PLCB1: variants seen among roughly 807,000 people sequenced by gnomAD.
PLCB1 encodes phospholipase C beta 1.
PLCB1 carries 46 observed loss-of-function variants against 161.8 expected under a neutral mutation model. The observed-to-expected ratio is 0.28, with a 90% confidence interval of 0.22 to 0.36. PLCB1 has a LOEUF of 0.36. PLCB1 is among the 10% of genes least tolerant of loss of function. The probability of loss-of-function intolerance (pLI) is 1.00; values close to 1 mark genes in which losing one functional copy is unlikely to be tolerated. For synonymous variants in PLCB1, 517 were observed against 503.7 expected (o/e 1.03, Z -0.35); for missense variants, 1,016 against 1,472.5 (o/e 0.69, Z 5.07).
intron 3 of PLCB1, among the ~76,000 whole-genome samples, chr20:8,447,325 G>A (rs1980878092): frequency 6.6e-6 from 1 of 152,130 alleles, no homozygotes; most frequent in Non-Finnish European, 1.5e-5. Context: ...GTGAAATTTG[G>A]ACAAGCAGCA....
chr20:8,632,299 C>T (rs1440968158), intron 4 of PLCB1, among the ~76,000 whole-genome samples: 1 of 151,696 alleles, frequency 6.6e-6, no homozygotes, highest in Non-Finnish European at 1.5e-5. Flanking sequence ...CCTTCAAGCC[C>T]GTTGACAGTT....
intron 2 of PLCB1, among the ~76,000 whole-genome samples, chr20:8,251,276 G>T (rs1434915610): frequency 6.6e-6 from 1 of 151,914 alleles, no homozygotes; most frequent in Non-Finnish European, 1.5e-5. Context: ...TTCAACATAG[G>T]AATTTGGGGG....
Position 8,507,823 on chromosome 20 carries a change from A to G in PLCB1, c.247-120471A>G, listed in dbSNP as rs1031003751. ...AATATTTTAACAAGATAAATATAAT[A>G]CAAAAAATGGAATAAGAAAAATACA... On this transcript the variant is annotated intron_variant, in intron 3 of 31. Coordinates refer to ENST00000338037, the MANE Select transcript of PLCB1 (RefSeq NM_015192.4). Among the ~76,000 whole-genome samples, 3 of 152,222 alleles carry G rather than the reference A, an allele frequency of 2.0e-5. No homozygotes were observed. In the East Asian group the frequency reaches 5.8e-4, roughly 29 times the overall value.
chr20:8,191,259 C>A (rs1254362364), intron 2 of PLCB1, among the ~76,000 whole-genome samples: 1 of 151,962 alleles, frequency 6.6e-6, no homozygotes, highest in Non-Finnish European at 1.5e-5. Flanking sequence ...TATTCATCCT[C>A]TGAAGCATTT....
intron 4 of PLCB1, among the ~76,000 whole-genome samples, chr20:8,641,896 A>AT (rs1988968398): frequency 2.0e-5 from 3 of 152,074 alleles, no homozygotes; most frequent in Admixed American, 6.6e-5. Flanking sequence ...TTATAAATGC[A>AT]TTTTTTGGCT....
intron 3 of PLCB1, among the ~76,000 whole-genome samples, chr20:8,600,523 T>G (rs1436456183): frequency 1.3e-5 from 2 of 151,084 alleles, no homozygotes; most frequent in South Asian, 2.1e-4. Flanking sequence ...CAGGGACATT[T>G]AAGTCTGCAG....
intron 6 of PLCB1, 53 bp downstream of exon 6, chr20:8,648,006 A>G: frequency 7.8e-7 from 1 of 1,276,280 alleles, no homozygotes; most frequent in Non-Finnish European, 1.1e-6. Flanking sequence ...CAAAGATCTG[A>G]ATCCATGCCA....
intron 9 of PLCB1, among the ~76,000 whole-genome samples, chr20:8,681,068 G>A (rs1990196507): frequency 1.1e-5 from 1 of 95,160 alleles, no homozygotes; most frequent in Non-Finnish European, 2.0e-5. Context: ...ATGTATATAT[G>A]TGTGTATATG....
chr20:8,202,328 C>A (rs558931701), intron 2 of PLCB1, among the ~76,000 whole-genome samples: 1 of 152,220 alleles, frequency 6.6e-6, no homozygotes, highest in Non-Finnish European at 1.5e-5. Context: ...CGCTTACCTC[C>A]GCCTCCCAAA....
chr20:8,359,916 C>G (rs779215012), intron 2 of PLCB1, among the ~76,000 whole-genome samples: 1 of 152,104 alleles, frequency 6.6e-6, no homozygotes, highest in Non-Finnish European at 1.5e-5. Flanking sequence ...ACGTTATTTT[C>G]TAAGTTGATT....
chr20:8,542,043 A>G (rs185622933), intron 3 of PLCB1, among the ~76,000 whole-genome samples: 1 of 152,352 alleles, frequency 6.6e-6, no homozygotes, highest in Admixed American at 6.5e-5. Flanking sequence ...CTAAGATGCT[A>G]CATGAATTCA....
chr20:8,448,481 G>T (rs1980934267), intron 3 of PLCB1, among the ~76,000 whole-genome samples: 1 of 152,208 alleles, frequency 6.6e-6, no homozygotes, highest in South Asian at 2.1e-4. Flanking sequence ...GGCAGCGGAA[G>T]AAGCCTGAGC....
chr20:8,479,668 G>A (rs1459462113), intron 3 of PLCB1, among the ~76,000 whole-genome samples: 1 of 152,210 alleles, frequency 6.6e-6, no homozygotes, highest in South Asian at 2.1e-4. Context: ...ATGAGTGTAA[G>A]TGGAGTTGAC....
Position 8,813,302 on chromosome 20 carries a change from AT to A in PLCB1, c.3423+23048del, listed in dbSNP as rs986255318. Among the ~76,000 whole-genome samples the A allele has an allele frequency of 3.5e-4, 54 of 152,278 alleles. 1 individual carries two copies. The highest frequency in any genetic ancestry group is 1.2e-3 in the African/African-American group (51 of 41,560). ...TTTTAGGCAAAGCCTTTAAACTCAC[AT>A]TTTTTTGAAGAAAAAAATGTTTGCT... is the stretch of plus-strand genomic sequence containing the variant. On this transcript the variant is annotated intron_variant, in intron 31 of 31. Coordinates refer to ENST00000338037, the MANE Select transcript of PLCB1 (RefSeq NM_015192.4).
intron 3 of PLCB1, among the ~76,000 whole-genome samples, chr20:8,570,823 G>A (rs1184990085): frequency 6.6e-6 from 1 of 152,170 alleles, no homozygotes; most frequent in African/African-American, 2.4e-5. Flanking sequence ...TTTCTTTTGA[G>A]TGGTTAGAGG....
rs536400615 is a variant in PLCB1, at chr20:8,628,893, A to G, written c.384+462A>G. Among the ~76,000 whole-genome samples, 10 of 152,214 alleles carry G rather than the reference A, an allele frequency of 6.6e-5. 1 individual carries two copies. Among genetic ancestry groups the G allele is most frequent in the African/African-American group, 2.2e-4 (9 of 41,550 alleles). On this transcript the variant is annotated intron_variant, in intron 4 of 31. Transcript: ENST00000338037. Reference sequence around the variant, plus strand: ...AGGTTGCAGTGAGCCAAGATTTGCCACTGCACTCCAGCCTGGGTGACAGAG... The same window carrying G: ...AGGTTGCAGTGAGCCAAGATTTGCCGCTGCACTCCAGCCTGGGTGACAGAG...
At chr20:8,141,622 GAA>G (rs10599705) in intron 1 of PLCB1, among the ~76,000 whole-genome samples, 26,825 of 92,094 alleles carry the variant, frequency 0.29, 2,745 homozygotes, top group East Asian at 0.48. Context: ...GCGATACTCC[GAA>G]AAAAAAAAAA....
chr20:8,715,244 A>G (rs1316878939), intron 12 of PLCB1, among the ~76,000 whole-genome samples: 1 of 152,246 alleles, frequency 6.6e-6, no homozygotes, highest in Non-Finnish European at 1.5e-5. Context: ...AAAAAAAATT[A>G]TTGCTTTTTG....
rs1394518085 is a variant in PLCB1 at position 8,681,086 on chromosome 20, G to GTGTATA, written c.863-3845_863-3844insGTATAT. On this transcript the variant is annotated intron_variant, in intron 9 of 31. Transcript: ENST00000338037. Reference sequence around the variant, plus strand: ...TATATATGTGTGTATATGTGTGTGTGTATATATATATATATATATATATAT... The same window carrying GTGTATA: ...TATATATGTGTGTATATGTGTGTGTGTGTATATATATATATATATATATATATATAT... 8.3e-4 allele frequency among the ~76,000 whole-genome samples: 61 copies of GTGTATA among 73,840 alleles called. 1 individual carries two copies. Among genetic ancestry groups the GTGTATA allele is most frequent in the Middle Eastern group, 7.7e-3 (1 of 130 alleles). 48.4% of individuals were successfully genotyped at this position (73,840 alleles called of 152,430 possible). A position where few individuals can be genotyped will look rare whatever the true frequency, so the allele number is the denominator to read the frequency against.
Sources: gnomAD v4.1 joint callset for allele counts (sites outside exome capture counted in the v4.1 genomes callset) on GRCh38, gnomAD v4.1.1 for gene constraint, MANE v1.5 for transcripts, NCBI Gene and HGNC (gene_info 2026-07-23, HGNC 2026-07-21) for gene names.